The following LPIN1 variants were observed in gnomAD, a reference collection of about 807,000 sequenced individuals.
The protein encoded by LPIN1 is lipin 1, also known as phosphatidate phosphatase LPIN1.
In LPIN1, 71 loss-of-function variants were observed where a neutral mutation model predicts 107.5. The ratio of observed to expected loss-of-function variants is 0.66; its 90% CI spans 0.55 to 0.80. LPIN1 has a LOEUF of 0.80. Among genes scored for constraint, LPIN1 ranks in the 30% least tolerant of loss-of-function variants. LPIN1 has a pLI of 0.00. For synonymous variants in LPIN1, 445 were observed against 452.6 expected (o/e 0.98, Z 0.21); for missense variants, 1,043 against 1,160.6 (o/e 0.90, Z 1.47).
At chr2:11,788,525 A>C in intron 12 of LPIN1, 69 bp downstream of exon 12, 1 of 1,221,224 alleles carries the variant, frequency 8.2e-7, no homozygotes, top group Non-Finnish European at 1.2e-6. Flanking sequence ...GGGTGGTTGG[A>C]ATTTCACTTT....
intron 13 of LPIN1, among the ~76,000 whole-genome samples, chr2:11,793,175 T>G (rs1676081978): frequency 6.6e-6 from 1 of 152,186 alleles, no homozygotes; most frequent in Non-Finnish European, 1.5e-5. Context: ...ATTGGGGCCA[T>G]AGTCAGAAAA....
chr2:11,788,078 G>T (rs149216168), intron 11 of LPIN1, among the ~76,000 whole-genome samples: 21 of 152,288 alleles, frequency 1.4e-4, no homozygotes, highest in African/African-American at 4.8e-4. Context: ...TTGACACGTG[G>T]CAAGAAATAC....
chr2:11,718,879 A>G (rs1663931029), intron 2 of LPIN1, among the ~76,000 whole-genome samples: 1 of 152,194 alleles, frequency 6.6e-6, no homozygotes. Context: ...ATATTCCGAG[A>G]GATGAAAGGA....
At chr2:11,821,409 C>A (rs1309970199) in intron 20 of LPIN1, among the ~76,000 whole-genome samples, 1 of 152,142 alleles carries the variant, frequency 6.6e-6, no homozygotes, top group Non-Finnish European at 1.5e-5. Flanking sequence ...CCCAGCTACT[C>A]AGGAGGCTGA....
upstream of LPIN1, among the ~76,000 whole-genome samples, chr2:11,744,787 C>T (rs1666725845): frequency 1.3e-5 from 2 of 152,174 alleles, no homozygotes; most frequent in Admixed American, 1.3e-4. Context: ...CTTCTGGGGC[C>T]TTGCAACCTC....
chr2:11,677,568 G>C (rs544212604), upstream of LPIN1: 93 of 1,090,104 alleles, frequency 8.5e-5, 3 homozygotes, highest in South Asian at 1.2e-3. Context: ...CAGCCTCCCA[G>C]CTTCTGAGCC....
chr2:11,765,502 CTG>C lies in LPIN1; in HGVS notation c.-9-23_-9-22del, dbSNP rs1670706238. Reference sequence around the variant, plus strand: ...GCTCTTCCTTGGATTAATTGTGTGTCTGTGTGTGTTTTTTTTTGTCTGTTTTC... The same window carrying C: ...GCTCTTCCTTGGATTAATTGTGTGTCTGTGTGTTTTTTTTTGTCTGTTTTC... On this transcript the variant is annotated intron_variant, in intron 1 of 20. Transcript: ENST00000674199. The surrounding 1 kb of genome is among the most constrained non-coding windows in gnomAD (Gnocchi z 4.4). 2 of 1,545,694 alleles carry C rather than the reference CTG, an allele frequency of 1.3e-6. No homozygotes were observed. Among genetic ancestry groups the C allele is most frequent in the South Asian group, 2.3e-5 (2 of 88,688 alleles).
At position 11,782,434 on chromosome 2, in the gene LPIN1, C is replaced by G. The variant is rs761359674; in HGVS notation, c.1191C>G (p.Ile397Met). Residue 397 changes from isoleucine to methionine, a missense_variant, in exon 8 of 21, where the codon ATC (isoleucine) becomes ATG (methionine). By Grantham distance (10) the Ile-to-Met change is conservative. Transcript: ENST00000674199. ...CAGCAGCGCCACTCTTGCCCATGATCGAGGAGCTCAAACCCCCCTCTGCCA... is the reference window on the plus strand; with the variant it reads ...CAGCAGCGCCACTCTTGCCCATGATGGAGGAGCTCAAACCCCCCTCTGCCA... Reference protein sequence around the residue: ...LGAAAPLLPMIEELKPPSASV... With the variant: ...LGAAAPLLPMMEELKPPSASV... 5 of 1,614,158 alleles carry G rather than the reference C, an allele frequency of 3.1e-6. No individual in the cohort carries two copies. The highest frequency in any genetic ancestry group is 4.2e-6 in the Non-Finnish European group (5 of 1,180,020).
intron 1 of LPIN1, among the ~76,000 whole-genome samples, chr2:11,748,551 GGTT>G (rs926092644): frequency 1.3e-5 from 2 of 152,220 alleles, no homozygotes; most frequent in Non-Finnish European, 2.9e-5. Context: ...GAATCATTGT[GGTT>G]GTTATGATTT....
At chr2:11,793,486 A>C (rs1383352633) in intron 13 of LPIN1, among the ~76,000 whole-genome samples, 1 of 152,118 alleles carries the variant, frequency 6.6e-6, no homozygotes, top group Non-Finnish European at 1.5e-5. Flanking sequence ...CTTATAATGA[A>C]GGCTTGTGTC....
At chr2:11,814,956 ATG>A (rs1680319779) in intron 17 of LPIN1, 130 bp from the exon 18 acceptor site, 4 of 807,354 alleles carry the variant, frequency 5.0e-6, no homozygotes, top group Admixed American at 2.2e-5. Flanking sequence ...ATTTTGTAGA[ATG>A]TGGACTTTTG....
chr2:11,805,000 TGAGGCATGAATGGTGCAATGAA>T, intron 16 of LPIN1, 48 bp from the exon 17 acceptor site: 1 of 890,120 alleles, frequency 1.1e-6, no homozygotes, highest in Non-Finnish European at 1.8e-6. Context: ...TTTTTTTTTA[TGAGGCATGAATGGTGCAATGAA>T]TCTGAAAGGG....
chr2:11,731,539 G>A (rs1275599494), intron 1 of LPIN1, among the ~76,000 whole-genome samples: 1 of 152,188 alleles, frequency 6.6e-6, no homozygotes, highest in Non-Finnish European at 1.5e-5. Context: ...AAACATACAT[G>A]TGCATGTGTC....
intron 6 of LPIN1, among the ~76,000 whole-genome samples, chr2:11,776,465 C>G (rs1404306321): frequency 2.0e-5 from 3 of 148,176 alleles, no homozygotes; most frequent in African/African-American, 7.5e-5. Context: ...AAATTTGACT[C>G]TCTGGAAATT....
At chr2:11,724,500 G>T in exon 1 of LPIN1, 16 of 985,740 alleles carry the variant, frequency 1.6e-5, no homozygotes, top group Non-Finnish European at 1.9e-5. Context: ...CTGAGAACTA[G>T]AAAATCAGAA....
At chr2:11,726,203 T>G (rs976751778) in intron 1 of LPIN1, among the ~76,000 whole-genome samples, 4 of 152,210 alleles carry the variant, frequency 2.6e-5, no homozygotes, top group Admixed American at 1.3e-4. Context: ...CAGATTCATT[T>G]AATAAAACAG....
At chr2:11,821,711 A>T (rs574230444) in intron 20 of LPIN1, among the ~76,000 whole-genome samples, 2 of 152,260 alleles carry the variant, frequency 1.3e-5, no homozygotes, top group Admixed American at 1.3e-4. Context: ...ATGGTCCTTA[A>T]ACTAGTTGGA....
At chr2:11,824,569 G>T in intron 20 of LPIN1, 63 bp from the exon 21 acceptor site, 1 of 1,567,266 alleles carries the variant, frequency 6.4e-7, no homozygotes, top group Non-Finnish European at 8.8e-7. Context: ...TGACTTCTAC[G>T]TGCAGCCCTG....
chr2:11,719,312 G>C (rs1294628186), intron 2 of LPIN1, among the ~76,000 whole-genome samples: 1 of 152,164 alleles, frequency 6.6e-6, no homozygotes, highest in African/African-American at 2.4e-5. Context: ...AGGATAAAAA[G>C]CTTGCCTGGA....
Sources: allele counts gnomAD v4.1 joint callset (sites outside exome capture counted in the v4.1 genomes callset), GRCh38; gene constraint gnomAD v4.1.1; non-coding constraint Gnocchi (gnomAD v3.1); transcripts MANE v1.5; gene names NCBI Gene and HGNC (gene_info 2026-07-23, HGNC 2026-07-21).